PVT1: variants seen among roughly 807,000 people sequenced by gnomAD.
PVT1 encodes the protein Pvt1 oncogene.
chr8:127,976,056 C>A (rs949073653), intron 3 of PVT1, among the ~76,000 whole-genome samples: 1 of 152,184 alleles, frequency 6.6e-6, no homozygotes, highest in Non-Finnish European at 1.5e-5. Flanking sequence ...TTTTAAAGAG[C>A]CTTGTTGTCT....
At chr8:128,040,954 G>T (rs1813524399) in intron 4 of PVT1, among the ~76,000 whole-genome samples, 1 of 147,858 alleles carries the variant, frequency 6.8e-6, no homozygotes. Flanking sequence ...TTTCTGCTTG[G>T]GTGTGTTTGT....
intron 3 of PVT1, among the ~76,000 whole-genome samples, chr8:127,983,576 C>T (rs774161458): frequency 6.6e-6 from 1 of 152,142 alleles, no homozygotes; most frequent in Non-Finnish European, 1.5e-5. Context: ...TCACACTCCA[C>T]CCCACCACCA....
chr8:127,820,567 T>C (rs1395098154), intron 2 of PVT1, among the ~76,000 whole-genome samples: 1 of 152,138 alleles, frequency 6.6e-6, no homozygotes, highest in Non-Finnish European at 1.5e-5. Flanking sequence ...ACACATTTCC[T>C]AGGGTGCTTG....
chr8:128,040,645 G>T (rs1813519284), intron 4 of PVT1, among the ~76,000 whole-genome samples: 1 of 152,198 alleles, frequency 6.6e-6, no homozygotes, highest in African/African-American at 2.4e-5. Context: ...ACAATTGTGG[G>T]CAGAGAGGAG....
At chr8:127,826,014 C>CTTTTTTTTTTTT (rs57575268) in intron 2 of PVT1, among the ~76,000 whole-genome samples, 7 of 89,696 alleles carry the variant, frequency 7.8e-5, no homozygotes, top group Admixed American at 3.1e-4. Flanking sequence ...CCATGCCCAG[C>CTTTTTTTTTTTT]TTTTTTTTTT....
intron 3 of PVT1, among the ~76,000 whole-genome samples, chr8:127,911,090 G>T (rs1325881744): frequency 2.0e-5 from 3 of 152,154 alleles, no homozygotes; most frequent in Non-Finnish European, 2.9e-5. Flanking sequence ...CCTGAGGCAG[G>T]CTGGACCTAT....
At chr8:127,997,445 C>T (rs1817119977) in intron 4 of PVT1, among the ~76,000 whole-genome samples, 1 of 152,162 alleles carries the variant, frequency 6.6e-6, no homozygotes. Context: ...TCCTGCCAAT[C>T]CATTTTTCAG....
chr8:128,094,950 G>C (rs1234403568), intron 5 of PVT1, among the ~76,000 whole-genome samples: 2 of 152,350 alleles, frequency 1.3e-5, no homozygotes, highest in East Asian at 3.9e-4. Context: ...CGTGGTTCCA[G>C]ATGTGGATGG....
intron 2 of PVT1, among the ~76,000 whole-genome samples, chr8:127,809,787 T>C (rs554261042): frequency 1.3e-5 from 2 of 152,300 alleles, no homozygotes; most frequent in African/African-American, 2.4e-5. Context: ...GTTTGTTCCA[T>C]AGTTTTAGTC....
intron 3 of PVT1, among the ~76,000 whole-genome samples, chr8:127,946,339 G>A (rs1030202046): frequency 1.3e-5 from 2 of 152,218 alleles, no homozygotes; most frequent in South Asian, 2.1e-4. Flanking sequence ...TCTAGTGGAG[G>A]AAGGGGGAAG....
intron 2 of PVT1, among the ~76,000 whole-genome samples, chr8:127,835,152 T>C (rs973687892): frequency 4.6e-5 from 7 of 152,082 alleles, no homozygotes; most frequent in Non-Finnish European, 1.0e-4. Context: ...CACATATATG[T>C]TTATAGCAGC....
intron 2 of PVT1, among the ~76,000 whole-genome samples, chr8:127,802,986 G>C (rs571001809): frequency 6.6e-6 from 1 of 152,226 alleles, no homozygotes; most frequent in East Asian, 1.9e-4. Flanking sequence ...GAGGTTCAAG[G>C]CCTTGGACTG....
chr8:128,032,466 C>T (rs561318437), intron 4 of PVT1, among the ~76,000 whole-genome samples: 1 of 152,350 alleles, frequency 6.6e-6, no homozygotes, highest in African/African-American at 2.4e-5. Flanking sequence ...AGCTACCATT[C>T]ATTGAGTTAA....
chr8:127,962,611 TA>T (rs1354303251), intron 3 of PVT1, among the ~76,000 whole-genome samples: 1 of 152,120 alleles, frequency 6.6e-6, no homozygotes, highest in African/African-American at 2.4e-5. Flanking sequence ...GTCTGCATTT[TA>T]TTTTTTTTTG....
chr8:128,025,454 G>A (rs183087722), intron 4 of PVT1, among the ~76,000 whole-genome samples: 7 of 152,214 alleles, frequency 4.6e-5, no homozygotes, highest in Admixed American at 4.6e-4. Context: ...TGAGAGCCCT[G>A]CACCAGGCAC....
intron 3 of PVT1, among the ~76,000 whole-genome samples, chr8:127,979,744 AT>A (rs1418258671): frequency 6.6e-6 from 1 of 152,222 alleles, no homozygotes; most frequent in Non-Finnish European, 1.5e-5. Context: ...AGGATGCCTA[AT>A]CTTGAACAAG....
chr8:127,799,413 A>G (rs980459599), intron 2 of PVT1, among the ~76,000 whole-genome samples: 7 of 152,222 alleles, frequency 4.6e-5, no homozygotes, highest in Non-Finnish European at 5.9e-5. Flanking sequence ...AATAAAATAA[A>G]AATTAAAAAA....
chr8:127,923,593 G>C (rs1816091503), intron 3 of PVT1, among the ~76,000 whole-genome samples: 1 of 152,186 alleles, frequency 6.6e-6, no homozygotes, highest in Non-Finnish European at 1.5e-5. Flanking sequence ...TGCCATGAAG[G>C]AAGATGTCTC....
chr8:127,954,929 A>T (rs1816551609), intron 3 of PVT1, among the ~76,000 whole-genome samples: 1 of 152,188 alleles, frequency 6.6e-6, no homozygotes. Context: ...CAAAACATTT[A>T]GGATGAATTA....
Sources: allele counts gnomAD v4.1 joint callset (sites outside exome capture counted in the v4.1 genomes callset), GRCh38; gene constraint gnomAD v4.1.1; transcripts MANE v1.5; gene names NCBI Gene and HGNC (gene_info 2026-07-23, HGNC 2026-07-21).